Variants in CCDC170 observed in about 807,000 individuals in gnomAD.
The protein encoded by CCDC170 is coiled-coil domain-containing protein 170.
CCDC170 carries 69 observed loss-of-function variants against 72.6 expected under a neutral mutation model. The observed-to-expected ratio is 0.95, with a 90% CI of 0.78 to 1.16. CCDC170 has a LOEUF of 1.16. Among genes scored for constraint, CCDC170 ranks in the 50% most tolerant of loss-of-function variants. The pLI is 0.00. For missense variants in CCDC170, 852 were observed against 832.5 expected (o/e 1.02, Z -0.29); for synonymous variants, 300 against 303.9 (o/e 0.99, Z 0.13).
intron 9 of CCDC170, among the ~76,000 whole-genome samples, chr6:151,607,881 C>T (rs1776810081): frequency 6.6e-6 from 1 of 152,158 alleles, no homozygotes; most frequent in African/African-American, 2.4e-5. Flanking sequence ...CTATATCTCT[C>T]ACAAGACTTG....
chr6:151,590,009 C>T (rs1012305143), intron 7 of CCDC170, among the ~76,000 whole-genome samples: 1 of 152,094 alleles, frequency 6.6e-6, no homozygotes, highest in Non-Finnish European at 1.5e-5. Context: ...TCCTACATTG[C>T]CCACTGCTAT....
chr6:151,615,305 T>C, intron 9 of CCDC170, 138 bp from the exon 10 acceptor site: 2 of 707,548 alleles, frequency 2.8e-6, no homozygotes, highest in Non-Finnish European at 4.9e-6. Flanking sequence ...GCAAAATCTC[T>C]AACTGTTTGG....
chr6:151,517,324 CTG>C (rs1782250230), intron 1 of CCDC170, among the ~76,000 whole-genome samples: 1 of 152,086 alleles, frequency 6.6e-6, no homozygotes, highest in South Asian at 2.1e-4. Flanking sequence ...AAGAGTGAGA[CTG>C]TGTCTCAGTA....
chr6:151,597,142 C>T (rs1407851297), intron 9 of CCDC170, among the ~76,000 whole-genome samples: 4 of 142,974 alleles, frequency 2.8e-5, no homozygotes, highest in African/African-American at 7.9e-5. Context: ...AAAATTTTTT[C>T]GAGACTGAGT....
intron 9 of CCDC170, among the ~76,000 whole-genome samples, chr6:151,605,033 C>A (rs561916804): frequency 6.6e-6 from 1 of 152,142 alleles, no homozygotes. Context: ...ATTAACCAAC[C>A]TTTTCCTGTG....
At chr6:151,560,297 AT>A (rs1783055982) in intron 5 of CCDC170, among the ~76,000 whole-genome samples, 1 of 151,836 alleles carries the variant, frequency 6.6e-6, no homozygotes, top group African/African-American at 2.4e-5. Flanking sequence ...TTGATTTCTA[AT>A]TTTATTCCAC....
intron 7 of CCDC170, 168 bp from the exon 8 acceptor site, chr6:151,592,939 G>A (rs973064153): frequency 9.0e-6 from 6 of 665,178 alleles, no homozygotes; most frequent in East Asian, 5.5e-5. Context: ...AACTGGCAGG[G>A]TGGTTCAGGA....
chr6:151,560,272 G>A (rs890198720), intron 5 of CCDC170, among the ~76,000 whole-genome samples: 1 of 152,098 alleles, frequency 6.6e-6, no homozygotes, highest in Non-Finnish European at 1.5e-5. Flanking sequence ...GTGGTTTTGG[G>A]AGTTTTTCTT....
At chr6:151,494,535 T>C (rs919730981) in intron 1 of CCDC170, among the ~76,000 whole-genome samples, 4 of 152,174 alleles carry the variant, frequency 2.6e-5, no homozygotes, top group Non-Finnish European at 5.9e-5. Context: ...GCTACTGAAG[T>C]GTGCTTCGGA....
intron 1 of CCDC170, among the ~76,000 whole-genome samples, chr6:151,525,756 T>C (rs4870027): frequency 0.91 from 138,108 of 152,252 alleles, 62,798 homozygotes; most frequent in East Asian, 0.99. Context: ...TTCATACAGA[T>C]GTGCATGACA....
At chr6:151,504,017 T>C (rs951455003) in intron 1 of CCDC170, among the ~76,000 whole-genome samples, 38 of 152,276 alleles carry the variant, frequency 2.5e-4, no homozygotes, top group African/African-American at 9.1e-4. Flanking sequence ...ATTGAGATAA[T>C]TGGTGAATAA....
intron 7 of CCDC170, 117 bp downstream of exon 7, chr6:151,586,206 T>A (rs1776449221): frequency 3.0e-6 from 3 of 995,824 alleles, no homozygotes; most frequent in Non-Finnish European, 2.9e-6. Flanking sequence ...CTTAATTGGT[T>A]AAGTCAATTT....
intron 1 of CCDC170, among the ~76,000 whole-genome samples, chr6:151,508,140 G>A (rs573374266): frequency 6.6e-6 from 1 of 152,242 alleles, no homozygotes; most frequent in East Asian, 1.9e-4. Context: ...TTGGAAGATG[G>A]CATTAACTAT....
chr6:151,519,691 A>G (rs566508822), intron 1 of CCDC170, among the ~76,000 whole-genome samples: 4 of 152,216 alleles, frequency 2.6e-5, no homozygotes, highest in Non-Finnish European at 2.9e-5. Flanking sequence ...GGGGTTCCTG[A>G]CTTCCCGCAA....
chr6:151,549,773 A>G (rs1374595355), intron 5 of CCDC170, among the ~76,000 whole-genome samples: 2 of 152,186 alleles, frequency 1.3e-5, no homozygotes, highest in African/African-American at 4.8e-5. Context: ...ACACACATAT[A>G]TACATATTCT....
chr6:151,535,255 T>C (rs1259110576), intron 1 of CCDC170, among the ~76,000 whole-genome samples: 1 of 152,224 alleles, frequency 6.6e-6, no homozygotes, highest in African/African-American at 2.4e-5. Flanking sequence ...TGATTTGGAA[T>C]TGGAAATTCC....
intron 1 of CCDC170, among the ~76,000 whole-genome samples, chr6:151,518,976 G>A (rs1782275230): frequency 6.6e-6 from 1 of 152,132 alleles, no homozygotes. Flanking sequence ...CAAGGCAAAG[G>A]GCGAAATCAA....
At chr6:151,564,216 T>C (rs1305090860) in intron 5 of CCDC170, among the ~76,000 whole-genome samples, 3 of 152,208 alleles carry the variant, frequency 2.0e-5, no homozygotes, top group Non-Finnish European at 4.4e-5. Flanking sequence ...GTAGGGCACT[T>C]TGGCTCTGAT....
chr6:151,515,855 C>A (rs780720542), intron 1 of CCDC170, among the ~76,000 whole-genome samples: 1 of 152,056 alleles, frequency 6.6e-6, no homozygotes, highest in South Asian at 2.1e-4. Context: ...ATCACGAGGT[C>A]AAGAGATCAA....
Sources: gnomAD v4.1 joint callset for allele counts (sites outside exome capture counted in the v4.1 genomes callset) on GRCh38, gnomAD v4.1.1 for gene constraint, MANE v1.5 for transcripts, NCBI Gene and HGNC (gene_info 2026-07-23, HGNC 2026-07-21) for gene names.